Variants in ACTR5 observed in about 807,000 individuals in gnomAD.
ACTR5 encodes the protein actin related protein 5.
ACTR5 carries 43 observed loss-of-function variants against 61.2 expected under a neutral mutation model. The observed-to-expected ratio is 0.70, with a 90% CI of 0.55 to 0.91. The LOEUF is 0.91. ACTR5 is among the 40% of genes least tolerant of loss of function. The pLI is 0.00. For missense variants in ACTR5, 798 were observed against 782.2 expected, an observed-to-expected ratio of 1.02 and a Z score of -0.24; for synonymous variants, 333 against 310.5, an observed-to-expected ratio of 1.07 and a Z score of -0.76.
intron 8 of ACTR5, among the ~76,000 whole-genome samples, chr20:38,768,396 C>T (rs2084500750): frequency 6.6e-6 from 1 of 152,194 alleles, no homozygotes; most frequent in African/African-American, 2.4e-5. Flanking sequence ...CTACTTACAG[C>T]TGTGACTTAC....
intron 3 of ACTR5, among the ~76,000 whole-genome samples, chr20:38,753,502 A>G (rs980617289): frequency 1.3e-5 from 2 of 152,160 alleles, no homozygotes; most frequent in Non-Finnish European, 2.9e-5. Context: ...AGATAAAACC[A>G]TAGTGATAGA....
intron 3 of ACTR5, 130 bp downstream of exon 3, chr20:38,752,430 T>A: frequency 9.5e-7 from 1 of 1,055,308 alleles, no homozygotes; most frequent in Non-Finnish European, 1.3e-6. Context: ...TTCCCTTTCT[T>A]AAACTATTCA....
chr20:38,766,240 C>T lies in ACTR5; in HGVS notation c.1296C>T (p.Pro432=), dbSNP rs1230434763. 2.5e-6 allele frequency: 4 copies of T among 1,605,000 alleles called. No individual in the cohort carries two copies. Among genetic ancestry groups the T allele is most frequent in the African/African-American group, 2.7e-5 (2 of 74,318 alleles). ...TTTTAAACCTTGGGTTTTTAAAGCC[C>T]GTGTTTAACTTGGCAGCATATCATC... The part of the protein sequence containing the change: ...GVEKPVTTVQ[P]VFNLAAYHQL... Residue 432 remains proline (P), a splice_region_variant and synonymous_variant, in exon 7 of 9, where the codon CCC becomes CCT. Coordinates refer to ENST00000243903, the MANE Select transcript of ACTR5 (RefSeq NM_024855.4).
intron 5 of ACTR5, among the ~76,000 whole-genome samples, chr20:38,757,206 C>T (rs2084425335): frequency 6.6e-6 from 1 of 152,184 alleles, no homozygotes; most frequent in Non-Finnish European, 1.5e-5. Flanking sequence ...GGATGACAGG[C>T]TTGAGCCACC....
Position 38,748,461 on chromosome 20 carries a change from C to T in ACTR5, c.-18C>T, listed in dbSNP as rs1189986143. 8 of 1,466,932 alleles carry T rather than the reference C, an allele frequency of 5.5e-6. No homozygotes were observed. In the East Asian group the frequency reaches 1.5e-4, roughly 27 times the overall value. The allele number at this position is 1,466,932 out of a possible 1,614,324, so 90.9% of individuals were successfully genotyped here. A position where few individuals can be genotyped will look rare whatever the true frequency, so the allele number is the denominator to read the frequency against. ...GCGGACACTGCGCCGAGGGGCGGGG[C>T]TGGACGCGCGCTCCAAGATGGCGGC... On this transcript the variant is annotated 5_prime_UTR_variant, in exon 1 of 9. Transcript: ENST00000243903.
chr20:38,755,607 A>G (rs1171584706), intron 4 of ACTR5, among the ~76,000 whole-genome samples: 7 of 151,922 alleles, frequency 4.6e-5, no homozygotes, highest in Admixed American at 4.6e-4. Context: ...CCACCAAAAA[A>G]AAAAAGGGTA....
At chr20:38,758,799 A>C (rs1215783192) in intron 5 of ACTR5, among the ~76,000 whole-genome samples, 1 of 152,258 alleles carries the variant, frequency 6.6e-6, no homozygotes, top group Non-Finnish European at 1.5e-5. Context: ...CTACCATTCA[A>C]AAAGTATTTG....
At chr20:38,767,367 G>A in intron 7 of ACTR5, 97 bp from the exon 8 acceptor site, 1 of 1,042,488 alleles carries the variant, frequency 9.6e-7, no homozygotes, top group Non-Finnish European at 1.3e-6. Context: ...TTGTGTAGAA[G>A]TTTTTCTGTT....
chr20:38,762,613 T>A (rs1323505132), intron 5 of ACTR5, among the ~76,000 whole-genome samples: 1 of 152,206 alleles, frequency 6.6e-6, no homozygotes, highest in Non-Finnish European at 1.5e-5. Context: ...AGGCATCCTT[T>A]AGACTGCAGG....
chr20:38,753,960 T>C (rs1048294754), intron 3 of ACTR5, among the ~76,000 whole-genome samples: 7 of 151,916 alleles, frequency 4.6e-5, no homozygotes, highest in Non-Finnish European at 8.8e-5. Context: ...CTTTAGAGAT[T>C]ACAGTAAACA....
At chr20:38,768,583 G>A (rs1427481274) in intron 8 of ACTR5, among the ~76,000 whole-genome samples, 1 of 152,170 alleles carries the variant, frequency 6.6e-6, no homozygotes, top group African/African-American at 2.4e-5. Flanking sequence ...CAGTGTCTAG[G>A]GTTTTTATTT....
intron 3 of ACTR5, 23 bp downstream of exon 3, chr20:38,752,323 GC>G (rs772271254): frequency 6.4e-7 from 1 of 1,574,438 alleles, no homozygotes; most frequent in Admixed American, 1.8e-5. Flanking sequence ...ATGTTTGCCT[GC>G]AGCTTTTGGG....
rs1241322131 is a variant in ACTR5, at chr20:38,765,514, T to C, written c.1289T>C (p.Val430Ala). The change falls in exon 6 of 9, where the codon GTT (valine) becomes GCT (alanine). Residue 430 changes from valine (V) to alanine (A), a missense_variant. Physicochemically the swap from Val to Ala is moderately conservative, Grantham distance 64 (BLOSUM62 0). Transcript: ENST00000243903. ...GGAGTGGAGAAGCCGGTCACCACTG[T>C]TCAGGTTTGACTTCTACAGCCCAGA... ...TPGVEKPVTT[V>A]QPVFNLAAYH... 4 of 1,613,192 alleles carry C rather than the reference T, an allele frequency of 2.5e-6. 1 individual carries two copies. The Admixed American group carries it at 6.7e-5, about 27-fold the overall frequency.
chr20:38,751,250 G>T (rs955721606), intron 2 of ACTR5, among the ~76,000 whole-genome samples: 2 of 152,098 alleles, frequency 1.3e-5, no homozygotes, highest in Non-Finnish European at 2.9e-5. Flanking sequence ...ATTTCCCAGG[G>T]TTACCCTGAG....
At chr20:38,770,103 T>C (rs2084511165) in intron 8 of ACTR5, among the ~76,000 whole-genome samples, 1 of 152,134 alleles carries the variant, frequency 6.6e-6, no homozygotes, top group African/African-American at 2.4e-5. Context: ...TGGCCTAGCC[T>C]CAGCTCCCCC....
In ACTR5 at chr20:38,750,096, G is replaced by A; in HGVS notation, c.462G>A (p.Glu154=). The A allele has an allele frequency of 6.2e-7, 1 of 1,614,194 alleles. No individual in the cohort carries two copies. ...SRQMMSELLF[E]CYGIPKVAYG... ...AAATGATGTCTGAGCTTCTTTTTGAGTGCTACGGGATTCCCAAGGTTGCCT... is the reference window on the plus strand; with the variant it reads ...AAATGATGTCTGAGCTTCTTTTTGAATGCTACGGGATTCCCAAGGTTGCCT... Residue 154 remains glutamate, a synonymous_variant, in exon 2 of 9, where the codon GAG becomes GAA. Coordinates refer to ENST00000243903, the MANE Select transcript of ACTR5 (RefSeq NM_024855.4).
At chr20:38,750,666 C>G (rs527766518) in intron 2 of ACTR5, among the ~76,000 whole-genome samples, 2 of 151,928 alleles carry the variant, frequency 1.3e-5, no homozygotes, top group South Asian at 4.2e-4. Context: ...GAGTCTTGCT[C>G]TGTTGCCCAG....
rs936519422 is a variant in ACTR5 at position 38,759,336 on chromosome 20, C to T, written c.1176+3297C>T. Among the ~76,000 whole-genome samples, 6 of 152,172 alleles carry T rather than the reference C, an allele frequency of 3.9e-5. No individual in the cohort carries two copies. In the South Asian group the frequency reaches 6.2e-4, roughly 16 times the overall value. The stretch of plus-strand genomic sequence containing the variant: ...GAACAGTCATATTAGTGTTTCTGAA[C>T]GCCACATAAGACATGTGGAGACCCT... On this transcript the variant is annotated intron_variant, in intron 5 of 8. Coordinates refer to ENST00000243903, the MANE Select transcript of ACTR5 (RefSeq NM_024855.4).
At chr20:38,770,858 C>T (rs1300523139) in intron 8 of ACTR5, among the ~76,000 whole-genome samples, 1 of 152,176 alleles carries the variant, frequency 6.6e-6, no homozygotes, top group Non-Finnish European at 1.5e-5. Flanking sequence ...CCCTTCAGTC[C>T]CGAAAGTTCT....
Sources: allele counts gnomAD v4.1 joint callset (sites outside exome capture counted in the v4.1 genomes callset), GRCh38; gene constraint gnomAD v4.1.1; transcripts MANE v1.5; gene names NCBI Gene and HGNC (gene_info 2026-07-23, HGNC 2026-07-21).